GSE1: variants seen among roughly 807,000 people sequenced by gnomAD.
The protein encoded by GSE1 is genetic suppressor element 1.
A neutral mutation model predicts 112.6 loss-of-function variants in GSE1; 32 were observed. The observed-to-expected ratio is 0.28, with a 90% CI of 0.21 to 0.38. The LOEUF (loss-of-function observed/expected upper bound fraction) is 0.38, where lower values mean the gene tolerates loss of function less well. Among genes scored for constraint, GSE1 ranks in the 10% least tolerant of loss-of-function variants. The pLI is 1.00. For missense variants in GSE1, 2,348 were observed against 1,699.2 expected (o/e 1.38, Z -6.71); for synonymous variants, 1,115 against 735.6 (o/e 1.52, Z -8.35).
Position 85,326,070 on chromosome 16 carries a change from A to G in GSE1, c.2284-31393A>G, listed in dbSNP as rs1312361689. 3.3e-5 allele frequency among the ~76,000 whole-genome samples: 5 copies of G among 152,122 alleles called. No individual in the cohort carries two copies. The East Asian group carries it at 9.6e-4, about 29-fold the overall frequency. ...CTCAGTCAATTTTAAAAATACGTTC[A>G]TATGAAAAATTTGACAGGGGTAGAA... On this transcript the variant is annotated intron_variant, in intron 1 of 2. Transcript: ENST00000637419.
At chr16:85,181,680 G>C (rs1046167597) in intron 1 of GSE1, among the ~76,000 whole-genome samples, 1 of 152,242 alleles carries the variant, frequency 6.6e-6, no homozygotes, top group East Asian at 1.9e-4. Context: ...AGGCTTGTGT[G>C]GGGGAGTGAC....
intron 9 of GSE1, chr16:85,662,299 C>A (rs989999278): frequency 6.4e-6 from 1 of 155,148 alleles, no homozygotes. Context: ...TCCAGAGAGC[C>A]AGGAAGAGCA....
intron 1 of GSE1, among the ~76,000 whole-genome samples, chr16:85,563,613 G>C (rs2045618781): frequency 6.6e-6 from 1 of 152,228 alleles, no homozygotes; most frequent in African/African-American, 2.4e-5. Context: ...CGGAAGCCCA[G>C]GCCCTGAAGG....
chr16:85,654,737 T>A (rs767807125), intron 4 of GSE1, 57 bp from the exon 5 acceptor site: 181 of 1,065,042 alleles, frequency 1.7e-4, no homozygotes, highest in Non-Finnish European at 2.4e-4. Context: ...CGTCCCCCCA[T>A]GCAGGAGCAG....
At chr16:85,315,199 G>C (rs1270226770) in intron 1 of GSE1, among the ~76,000 whole-genome samples, 1 of 152,164 alleles carries the variant, frequency 6.6e-6, no homozygotes, top group East Asian at 1.9e-4. Flanking sequence ...AGACAAAGGG[G>C]TGGCTGAGGG....
chr16:85,221,322 A>G (rs1478815559), intron 1 of GSE1, among the ~76,000 whole-genome samples: 5 of 147,212 alleles, frequency 3.4e-5, no homozygotes, highest in Non-Finnish European at 6.0e-5. Flanking sequence ...GCACACACAC[A>G]CACACACACA....
At chr16:85,446,363 A>G (rs2049511997) in intron 2 of GSE1, among the ~76,000 whole-genome samples, 1 of 152,126 alleles carries the variant, frequency 6.6e-6, no homozygotes, top group Non-Finnish European at 1.5e-5. Flanking sequence ...CCCTTCTGTC[A>G]AGCAGGGATA....
intron 1 of GSE1, among the ~76,000 whole-genome samples, chr16:85,338,340 G>A (rs1453256525): frequency 6.6e-6 from 1 of 152,206 alleles, no homozygotes; most frequent in Non-Finnish European, 1.5e-5. Context: ...CTAACCTTCC[G>A]GGCTGCTCTG....
intron 1 of GSE1, among the ~76,000 whole-genome samples, chr16:85,576,416 A>G (rs995255048): frequency 6.6e-6 from 1 of 152,200 alleles, no homozygotes. Flanking sequence ...TTGAAAAGCG[A>G]AGGGAAGCCA....
At chr16:85,404,596 C>T (rs1426048413) in intron 2 of GSE1, among the ~76,000 whole-genome samples, 7 of 78,916 alleles carry the variant, frequency 8.9e-5, no homozygotes, top group Admixed American at 1.1e-4. Flanking sequence ...CACTCAGGCC[C>T]CCCGGATAAT....
chr16:85,663,589 C>G lies in GSE1; in HGVS notation c.2619C>G (p.Thr873=), dbSNP rs1567754554. 6.2e-7 allele frequency: 1 copy of G among 1,613,838 alleles called. No homozygotes were observed. The highest frequency in any genetic ancestry group is 1.7e-5 in the Admixed American group (1 of 59,978). The change falls in exon 11 of 16, where the codon ACC becomes ACG. Residue 873 remains threonine, a synonymous_variant. Transcript: ENST00000253458. The part of the protein sequence containing the change: ...KKKFLTIFNL[T]HISAEKRKDK... ...AGTTCCTGACCATCTTCAACCTGAC[C>G]CACATCAGCGCTGAGAAGAGGAAAG...
chr16:85,252,492 T>G (rs1389346529), intron 1 of GSE1, among the ~76,000 whole-genome samples: 2 of 152,236 alleles, frequency 1.3e-5, no homozygotes, highest in Admixed American at 1.3e-4. Flanking sequence ...CTGAGCCCCT[T>G]GGGCACACCC....
intron 14 of GSE1, 91 bp from the exon 15 acceptor site, chr16:85,670,904 C>G (rs556855991): frequency 1.3e-6 from 1 of 786,106 alleles, no homozygotes; most frequent in Admixed American, 2.0e-5. Flanking sequence ...AGGTTTTGGG[C>G]TCTGCTGGGC....
intron 1 of GSE1, among the ~76,000 whole-genome samples, chr16:85,200,707 T>G (rs1035445560): frequency 6.6e-6 from 1 of 152,190 alleles, no homozygotes; most frequent in Non-Finnish European, 1.5e-5. Context: ...GGCTAGTAGG[T>G]CACACAAACC....
intron 1 of GSE1, among the ~76,000 whole-genome samples, chr16:85,562,384 T>G (rs2045561974): frequency 2.1e-5 from 3 of 144,822 alleles, no homozygotes; most frequent in Non-Finnish European, 1.5e-5. Flanking sequence ...TTGGTTCTCA[T>G]TAAGGTTTTT....
At chr16:85,211,574 G>C (rs1243784765) in intron 1 of GSE1, among the ~76,000 whole-genome samples, 2 of 152,242 alleles carry the variant, frequency 1.3e-5, no homozygotes, top group African/African-American at 4.8e-5. Context: ...CTGAGGGTCT[G>C]GAGGGGGCCC....
intron 1 of GSE1, among the ~76,000 whole-genome samples, chr16:85,286,949 T>C (rs1420978979): frequency 6.6e-6 from 1 of 152,158 alleles, no homozygotes; most frequent in African/African-American, 2.4e-5. Flanking sequence ...CTTTGCAAAA[T>C]GTGCTTCCAC....
At chr16:85,216,794 G>A (rs934157381) in intron 1 of GSE1, among the ~76,000 whole-genome samples, 2 of 152,190 alleles carry the variant, frequency 1.3e-5, no homozygotes, top group Non-Finnish European at 2.9e-5. Flanking sequence ...CTGTTTCTGG[G>A]GCTGTCCCTG....
In GSE1 at chr16:85,297,494, G is replaced by GT. The variant is rs576954517; in HGVS notation, c.2284-59961dup. ...CCTGTCATGAATGTCTAGCTATTGT[G>GT]TTTTTTTTGTTTTGTTTTGTTTTGA... On this transcript the variant is annotated intron_variant, in intron 1 of 2. Coordinates refer to the GSE1 transcript ENST00000637419. Among the ~76,000 whole-genome samples, 477 of 150,122 alleles carry GT rather than the reference G, an allele frequency of 3.2e-3. 7 individuals carry two copies. The highest frequency in any genetic ancestry group is 0.011 in the African/African-American group (424 of 39,666).
Sources: gnomAD v4.1 joint callset for allele counts (sites outside exome capture counted in the v4.1 genomes callset) on GRCh38, gnomAD v4.1.1 for gene constraint, MANE v1.5 for transcripts, NCBI Gene and HGNC (gene_info 2026-07-23, HGNC 2026-07-21) for gene names.